SLC10A7: variants seen among roughly 807,000 people sequenced by gnomAD.
The protein encoded by SLC10A7 is sodium/bile acid cotransporter 7.
SLC10A7 carries 29 observed loss-of-function variants against 43.2 expected under a neutral mutation model. The observed-to-expected ratio is 0.67, with a 90% confidence interval of 0.50 to 0.92. The LOEUF is 0.92. SLC10A7 is among the 40% of genes least tolerant of loss of function. The pLI is 0.00. For missense variants in SLC10A7, 295 were observed against 403.2 expected (o/e 0.73, Z 2.30); for synonymous variants, 152 against 144.8 (o/e 1.05, Z -0.35).
intron 5 of SLC10A7, among the ~76,000 whole-genome samples, chr4:146,364,847 G>C (rs1042705335): frequency 6.6e-6 from 1 of 151,948 alleles, no homozygotes; most frequent in East Asian, 1.9e-4. Context: ...ACCCTGATTT[G>C]ATCATTACAC....
chr4:146,491,838 G>T (rs1285626898), intron 4 of SLC10A7, among the ~76,000 whole-genome samples: 2 of 152,172 alleles, frequency 1.3e-5, no homozygotes, highest in Non-Finnish European at 2.9e-5. Flanking sequence ...CAGACCGTTT[G>T]TTTGGATCCA....
chr4:146,473,230 C>A (rs751795992), intron 4 of SLC10A7, among the ~76,000 whole-genome samples: 25 of 152,100 alleles, frequency 1.6e-4, no homozygotes, highest in Non-Finnish European at 3.2e-4. Context: ...ACGGTATAAT[C>A]AAAAAAGACA....
chr4:146,269,965 C>A (rs1438763902), intron 10 of SLC10A7, among the ~76,000 whole-genome samples: 1 of 152,132 alleles, frequency 6.6e-6, no homozygotes, highest in Non-Finnish European at 1.5e-5. Context: ...CCTTTAATTA[C>A]CTTCCAGTGG....
chr4:146,416,360 A>G (rs1728567199), intron 5 of SLC10A7, among the ~76,000 whole-genome samples: 1 of 152,220 alleles, frequency 6.6e-6, no homozygotes, highest in African/African-American at 2.4e-5. Context: ...TATATGACGT[A>G]CTTTAAAATA....
chr4:146,270,785 G>C (rs1476827972), intron 10 of SLC10A7, among the ~76,000 whole-genome samples: 3 of 152,178 alleles, frequency 2.0e-5, no homozygotes, highest in Non-Finnish European at 4.4e-5. Context: ...TGGACAATGA[G>C]AGCAAGCATA....
rs1445236174 is a variant in SLC10A7, at chr4:146,509,918, T to A, written c.315A>T (p.Leu105Phe). Reference protein sequence around the residue: ...LSITPINEWLLKGLQTVGCMP... With the variant: ...LSITPINEWLFKGLQTVGCMP... ...TTTTAAAGATTTAAACATACCCTTT[T>A]AAAAGCCATTCGTTGATGGGTGTGA... Residue 105 changes from leucine to phenylalanine, a missense_variant, in exon 3 of 12, where the codon TTA (leucine) becomes TTT (phenylalanine). This residue lies in a region of SLC10A7 where 242 missense variants were observed against 362.5 expected (regional missense o/e 0.67). Coordinates refer to ENST00000335472, the MANE Select transcript of SLC10A7 (RefSeq NM_001029998.6). 5.0e-6 allele frequency: 8 copies of A among 1,612,346 alleles called. No individual in the cohort carries two copies. The highest frequency in any genetic ancestry group is 5.9e-6 in the Non-Finnish European group (7 of 1,179,600).
chr4:146,471,491 T>C (rs1733569072), intron 4 of SLC10A7, among the ~76,000 whole-genome samples: 1 of 152,204 alleles, frequency 6.6e-6, no homozygotes, highest in South Asian at 2.1e-4. Flanking sequence ...TTTTTCTGTG[T>C]CAAATTCCAG....
At chr4:146,308,189 C>G (rs551574675) in intron 6 of SLC10A7, among the ~76,000 whole-genome samples, 2 of 152,170 alleles carry the variant, frequency 1.3e-5, no homozygotes, top group Admixed American at 1.3e-4. Flanking sequence ...TAACTGGGTA[C>G]ATGAAGACAG....
intron 4 of SLC10A7, among the ~76,000 whole-genome samples, chr4:146,463,596 C>G (rs1732731860): frequency 2.0e-5 from 3 of 151,790 alleles, no homozygotes; most frequent in Admixed American, 2.0e-4. Flanking sequence ...AAAAACGTAG[C>G]CAGGTGCTGT....
At chr4:146,453,857 T>C (rs1456124211) in intron 4 of SLC10A7, among the ~76,000 whole-genome samples, 1 of 151,896 alleles carries the variant, frequency 6.6e-6, no homozygotes, top group Admixed American at 6.6e-5. Flanking sequence ...CAATATGCAA[T>C]AGTTCGTGCA....
chr4:146,509,888 C>A (rs548917171), intron 3 of SLC10A7, 25 bp downstream of exon 3: 1 of 1,596,460 alleles, frequency 6.3e-7, no homozygotes, highest in Non-Finnish European at 8.5e-7. Flanking sequence ...TAAAAGTGGA[C>A]CCACTTTTAA....
At chr4:146,283,924 C>T (rs1257262654) in intron 9 of SLC10A7, among the ~76,000 whole-genome samples, 1 of 151,978 alleles carries the variant, frequency 6.6e-6, no homozygotes. Flanking sequence ...GAGTCTAGTT[C>T]CCAGGCCTGT....
chr4:146,281,404 A>G (rs1729545932), intron 10 of SLC10A7, among the ~76,000 whole-genome samples: 1 of 152,042 alleles, frequency 6.6e-6, no homozygotes, highest in South Asian at 2.1e-4. Context: ...ATCAAAAAAA[A>G]AAAAGAAAAA....
chr4:146,423,788 C>T (rs1456784822), intron 5 of SLC10A7, among the ~76,000 whole-genome samples: 3 of 152,154 alleles, frequency 2.0e-5, no homozygotes, highest in African/African-American at 4.8e-5. Flanking sequence ...TGTTTAAATG[C>T]CCATTCCTTC....
intron 5 of SLC10A7, among the ~76,000 whole-genome samples, chr4:146,354,754 C>T (rs1416594486): frequency 4.0e-5 from 6 of 148,314 alleles, no homozygotes; most frequent in Admixed American, 6.7e-5. Flanking sequence ...ACTATCTGAT[C>T]TTTGACAAAC....
intron 8 of SLC10A7, 115 bp downstream of exon 8, chr4:146,293,815 A>T: frequency 1.7e-6 from 1 of 585,126 alleles, no homozygotes; most frequent in Non-Finnish European, 2.8e-6. Flanking sequence ...AAATAAAATT[A>T]AGCATTCATT....
chr4:146,289,818 C>T (rs955024797), intron 9 of SLC10A7, among the ~76,000 whole-genome samples: 8 of 144,702 alleles, frequency 5.5e-5, no homozygotes, highest in African/African-American at 1.3e-4. Flanking sequence ...CGGGTTCAAG[C>T]GATTCTCCTG....
chr4:146,302,427 T>G (rs540937601), intron 7 of SLC10A7, among the ~76,000 whole-genome samples: 2 of 152,318 alleles, frequency 1.3e-5, no homozygotes, highest in African/African-American at 4.8e-5. Flanking sequence ...ATGGTTCCAG[T>G]ACTCAAGAAG....
intron 5 of SLC10A7, among the ~76,000 whole-genome samples, chr4:146,393,461 C>G (rs1429199892): frequency 1.3e-5 from 2 of 152,114 alleles, no homozygotes; most frequent in African/African-American, 4.8e-5. Context: ...ACTTTACACT[C>G]TGGTTAACAA....
Sources: allele counts gnomAD v4.1 joint callset (sites outside exome capture counted in the v4.1 genomes callset), GRCh38; gene constraint gnomAD v4.1.1; regional missense constraint gnomAD v4.1.1; transcripts MANE v1.5; gene names NCBI Gene and HGNC (gene_info 2026-07-23, HGNC 2026-07-21).